Variants in RAI1 observed in about 807,000 individuals in gnomAD.
RAI1 encodes the protein retinoic acid induced 1.
In RAI1, 9 loss-of-function variants were observed where a neutral mutation model predicts 123.8. The observed-to-expected ratio is 0.07, with a 90% CI of 0.04 to 0.13. The LOEUF is 0.13. RAI1 is among the 10% of genes least tolerant of loss of function. The probability of loss-of-function intolerance (pLI) is 1.00; values close to 1 mark genes in which losing one functional copy is unlikely to be tolerated. For synonymous variants in RAI1, 1,231 were observed against 1,127.3 expected (o/e 1.09, Z -1.84); for missense variants, 2,256 against 2,545.8 (o/e 0.89, Z 2.45).
chr17:17,791,142 C>T (rs758745604), intron 2 of RAI1, among the ~76,000 whole-genome samples: 1 of 152,174 alleles, frequency 6.6e-6, no homozygotes, highest in Admixed American at 6.5e-5. Flanking sequence ...AGTGGCCGGC[C>T]CCCACACTGG....
At chr17:17,708,641 G>C (rs191552767) in intron 1 of RAI1, among the ~76,000 whole-genome samples, 1 of 152,260 alleles carries the variant, frequency 6.6e-6, no homozygotes, top group East Asian at 1.9e-4. Flanking sequence ...CAGTGAGTGA[G>C]TGGGTTACTT....
chr17:17,696,563 C>T (rs73292256), intron 1 of RAI1, among the ~76,000 whole-genome samples: 1 of 152,228 alleles, frequency 6.6e-6, no homozygotes, highest in Admixed American at 6.5e-5. Flanking sequence ...CGAGATGAGG[C>T]AGACATTTCT....
At chr17:17,741,431 G>T (rs954757608) in intron 2 of RAI1, among the ~76,000 whole-genome samples, 3 of 152,196 alleles carry the variant, frequency 2.0e-5, no homozygotes, top group African/African-American at 7.2e-5. Flanking sequence ...CCTTGTTCAT[G>T]AGTTCTGCCA....
intron 2 of RAI1, among the ~76,000 whole-genome samples, chr17:17,749,341 A>C (rs1029897656): frequency 1.3e-5 from 2 of 152,218 alleles, no homozygotes; most frequent in African/African-American, 4.8e-5. Flanking sequence ...CCTGAGCCCC[A>C]GAGACAGCTC....
intron 1 of RAI1, among the ~76,000 whole-genome samples, chr17:17,709,627 G>A (rs1170909295): frequency 2.0e-5 from 3 of 152,184 alleles, no homozygotes; most frequent in African/African-American, 4.8e-5. Context: ...CAGGCCCCTG[G>A]CCTCATTCTG....
chr17:17,800,198 C>G lies in RAI1; in HGVS notation c.5565+1685C>G, dbSNP rs1055930085. On this transcript the variant is annotated intron_variant, in intron 3 of 5. Transcript: ENST00000353383. This position sits in a 1 kb window ranked among gnomAD's most constrained non-coding sequence, Gnocchi z 4.7. ...TCTCTCTGTCTCTCTCTCTCTCTCTCTCTCTCTCTCTCTCTCTCTCTCTCT... is the reference window on the plus strand; with the variant it reads ...TCTCTCTGTCTCTCTCTCTCTCTCTGTCTCTCTCTCTCTCTCTCTCTCTCT... 1.5e-3 allele frequency among the ~76,000 whole-genome samples: 190 copies of G among 129,412 alleles called. 1 individual carries two copies. The highest frequency in any genetic ancestry group is 2.5e-3 in the African/African-American group (81 of 32,050). The allele number at this position is 129,412 out of a possible 152,430, so 84.9% of individuals were successfully genotyped here. A position where few individuals can be genotyped will look rare whatever the true frequency, so the allele number is the denominator to read the frequency against.
chr17:17,794,648 A>T lies in RAI1; in HGVS notation c.1700A>T (p.Lys567Ile). The change falls in exon 3 of 6, where the codon AAA becomes ATA. Residue 567 changes from lysine (K) to isoleucine (I), a missense_variant. Lys to Ile is a moderately radical substitution (Grantham distance 102). Transcript: ENST00000353383. ...ACCTCTCCTGACGACATGTCCACCA[A>T]ATCTGACGACTCCTTCCAGAGCCTA... ...SVTSPDDMST[K>I]SDDSFQSLHG... 6.2e-7 allele frequency: 1 copy of T among 1,612,998 alleles called. No homozygotes were observed. Among genetic ancestry groups the T allele is most frequent in the Non-Finnish European group, 8.5e-7 (1 of 1,180,012 alleles).
intron 2 of RAI1, among the ~76,000 whole-genome samples, chr17:17,731,730 G>C (rs773222667): frequency 1.1e-4 from 16 of 152,136 alleles, no homozygotes; most frequent in Non-Finnish European, 2.1e-4. Flanking sequence ...TGCAGGCCTA[G>C]AATGCTGGTC....
At chr17:17,705,417 G>A (rs958141253) in intron 1 of RAI1, among the ~76,000 whole-genome samples, 3 of 152,050 alleles carry the variant, frequency 2.0e-5, no homozygotes, top group African/African-American at 7.2e-5. Context: ...ATCACCTGAG[G>A]TCAGGAGTTT....
At chr17:17,737,669 C>T (rs1455896204) in intron 2 of RAI1, among the ~76,000 whole-genome samples, 2 of 152,218 alleles carry the variant, frequency 1.3e-5, no homozygotes, top group African/African-American at 4.8e-5. Context: ...CCCATATCCC[C>T]CTACCATGGG....
At chr17:17,791,851 G>C (rs1883752) in intron 2 of RAI1, among the ~76,000 whole-genome samples, 125,122 of 152,154 alleles carry the variant, frequency 0.82, 52,292 homozygotes, top group African/African-American at 0.96. Flanking sequence ...AGAGGCTCCC[G>C]CAACCCACCC....
At chr17:17,725,454 C>G (rs1304574941) in intron 2 of RAI1, among the ~76,000 whole-genome samples, 1 of 152,122 alleles carries the variant, frequency 6.6e-6, no homozygotes, top group African/African-American at 2.4e-5. Context: ...GGAACTTCTC[C>G]TTTCCCATTG....
At chr17:17,702,079 A>C (rs561301503) in intron 1 of RAI1, among the ~76,000 whole-genome samples, 1 of 152,368 alleles carries the variant, frequency 6.6e-6, no homozygotes, top group South Asian at 2.1e-4. Flanking sequence ...AGGAAGGATA[A>C]GTGTGAGCTA....
intron 1 of RAI1, among the ~76,000 whole-genome samples, chr17:17,690,177 G>A (rs2142864415): frequency 6.6e-6 from 1 of 152,242 alleles, no homozygotes; most frequent in East Asian, 1.9e-4. Context: ...CTGAGCCCGG[G>A]AGTTCGAGAC....
chr17:17,697,428 T>TAGGG (rs1915076205), intron 1 of RAI1, among the ~76,000 whole-genome samples: 1 of 152,160 alleles, frequency 6.6e-6, no homozygotes, highest in Non-Finnish European at 1.5e-5. Flanking sequence ...GGGAAAAGAT[T>TAGGG]AGGGAGGGAC....
At chr17:17,727,868 G>A (rs976135233) in intron 2 of RAI1, among the ~76,000 whole-genome samples, 1 of 151,570 alleles carries the variant, frequency 6.6e-6, no homozygotes, top group African/African-American at 2.4e-5. Flanking sequence ...AGAAGGGAAG[G>A]AGAGAGAGAG....
intron 1 of RAI1, among the ~76,000 whole-genome samples, chr17:17,720,554 CT>C (rs1461871532): frequency 6.6e-6 from 1 of 152,196 alleles, no homozygotes; most frequent in Non-Finnish European, 1.5e-5. Context: ...GTAAGCAAGG[CT>C]TTGGGGTCCA....
At chr17:17,705,241 A>C (rs1194872849) in intron 1 of RAI1, among the ~76,000 whole-genome samples, 1 of 152,164 alleles carries the variant, frequency 6.6e-6, no homozygotes, top group Admixed American at 6.5e-5. Flanking sequence ...AAAAAATAGA[A>C]CTTTATTACC....
In RAI1 at chr17:17,797,305, G is replaced by C; in HGVS notation, c.4357G>C (p.Ala1453Pro). The change falls in exon 3 of 6, where the codon GCA becomes CCA. Residue 1453 changes from alanine (A) to proline (P), a missense_variant. Transcript: ENST00000353383. The part of the protein sequence containing the change: ...APKKRSRKGR[A>P]GAHGLSKGPL... Reference sequence around the variant, plus strand: ...TAAGAAGAGGAGCCGGAAAGGCCGGGCAGGGGCCCATGGACTCTCCAAAGG... The same window carrying C: ...TAAGAAGAGGAGCCGGAAAGGCCGGCCAGGGGCCCATGGACTCTCCAAAGG... 6.2e-7 allele frequency: 1 copy of C among 1,612,652 alleles called. No individual in the cohort carries two copies. The highest frequency in any genetic ancestry group is 8.5e-7 in the Non-Finnish European group (1 of 1,179,934).
Sources: gnomAD v4.1 joint callset for allele counts (sites outside exome capture counted in the v4.1 genomes callset) on GRCh38, gnomAD v4.1.1 for gene constraint, Gnocchi (gnomAD v3.1) non-coding constraint, MANE v1.5 for transcripts, NCBI Gene and HGNC (gene_info 2026-07-23, HGNC 2026-07-21) for gene names.